Variants in ASIC2 observed in about 807,000 individuals in gnomAD.
ASIC2 encodes acid sensing ion channel subunit 2.
In ASIC2, 25 loss-of-function variants were observed where a neutral mutation model predicts 57.3. The observed-to-expected ratio is 0.44, with a 90% CI of 0.32 to 0.61. The LOEUF (loss-of-function observed/expected upper bound fraction) is 0.61. Among genes scored for constraint, ASIC2 ranks in the 20% least tolerant of loss-of-function variants. The pLI is 0.06. For synonymous variants in ASIC2, 319 were observed against 307.5 expected (o/e 1.04, Z -0.39); for missense variants, 641 against 738.1 (o/e 0.87, Z 1.52).
At position 34,123,395 on chromosome 17, in the gene ASIC2, T is replaced by G. The variant is rs961745790; in HGVS notation, c.555+32583A>C. 3.3e-5 allele frequency among the ~76,000 whole-genome samples: 5 copies of G among 152,292 alleles called. No homozygotes were observed. In the East Asian group the frequency reaches 9.7e-4, roughly 29 times the overall value. On this transcript the variant is annotated intron_variant, in intron 1 of 9. Coordinates refer to the ASIC2 transcript ENST00000359872. ...CATTTCCTGCTTCCCTATCACCTCC[T>G]GCCCTCCCTTTGTAGACTACCAGGG...
rs1033912698 is a variant in ASIC2, at chr17:33,293,237, G to C, written c.-1122C>G. 3.9e-5 allele frequency among the ~76,000 whole-genome samples: 6 copies of C among 152,058 alleles called. No individual in the cohort carries two copies. The highest frequency in any genetic ancestry group is 7.4e-5 in the Non-Finnish European group (5 of 67,984). On this transcript the variant is annotated 5_prime_UTR_variant, in exon 1 of 10. Coordinates refer to ENST00000225823, the MANE Select transcript of ASIC2 (RefSeq NM_183377.2). ...AGGCGAACTTGGGCAGCGGCCGCGC[G>C]ACGCTGGCGCGGCTGGGCTCCGAGC...
chr17:33,417,326 A>G (rs151035073), intron 1 of ASIC2, among the ~76,000 whole-genome samples: 8 of 152,318 alleles, frequency 5.3e-5, no homozygotes, highest in South Asian at 4.1e-4. Flanking sequence ...GAATGCTTCC[A>G]GTGATGGCAA....
chr17:33,111,683 C>A (rs2092258692), intron 2 of ASIC2, among the ~76,000 whole-genome samples: 1 of 152,158 alleles, frequency 6.6e-6, no homozygotes, highest in African/African-American at 2.4e-5. Flanking sequence ...CCCCTACCTA[C>A]CTTACCTCTC....
chr17:33,472,346 G>T (rs781302821), intron 1 of ASIC2, among the ~76,000 whole-genome samples: 2 of 152,128 alleles, frequency 1.3e-5, no homozygotes, highest in African/African-American at 4.8e-5. Flanking sequence ...AACAGGGATT[G>T]CTTGCTAAAC....
intron 6 of ASIC2, among the ~76,000 whole-genome samples, chr17:33,023,579 C>T (rs1053336816): frequency 6.6e-6 from 1 of 152,108 alleles, no homozygotes; most frequent in African/African-American, 2.4e-5. Context: ...TCTCTCCTTC[C>T]CTATGCATCC....
chr17:33,167,174 T>C (rs965011318), intron 1 of ASIC2, among the ~76,000 whole-genome samples: 1 of 152,114 alleles, frequency 6.6e-6, no homozygotes, highest in Non-Finnish European at 1.5e-5. Flanking sequence ...CAAGCCACCT[T>C]TGCCCTCTGC....
chr17:33,129,386 C>A (rs1053644179), intron 1 of ASIC2, among the ~76,000 whole-genome samples: 1 of 152,166 alleles, frequency 6.6e-6, no homozygotes, highest in Non-Finnish European at 1.5e-5. Flanking sequence ...AGAAAATAGC[C>A]GATTTAGAGA....
At chr17:33,428,184 T>A (rs1163111197) in intron 1 of ASIC2, among the ~76,000 whole-genome samples, 1 of 152,212 alleles carries the variant, frequency 6.6e-6, no homozygotes, top group Non-Finnish European at 1.5e-5. Context: ...CGTTTTGTTT[T>A]AAGTCATTTT....
At chr17:33,654,955 C>T (rs1907031598) in intron 1 of ASIC2, among the ~76,000 whole-genome samples, 3 of 152,120 alleles carry the variant, frequency 2.0e-5, no homozygotes, top group Admixed American at 1.3e-4. Flanking sequence ...CAGAATGAGA[C>T]CCATCTCTAT....
intron 1 of ASIC2, among the ~76,000 whole-genome samples, chr17:33,725,867 C>A (rs115900865): frequency 0.011 from 1,643 of 152,230 alleles, 24 homozygotes; most frequent in African/African-American, 0.038. Flanking sequence ...CTGCACTGAC[C>A]CCACAGAGCC....
At position 33,293,194 on chromosome 17, in the gene ASIC2, G is replaced by A. The variant is rs1905579046; in HGVS notation, c.-1079C>T. On this transcript the variant is annotated 5_prime_UTR_variant, in exon 1 of 10. Transcript: ENST00000225823. ...AAGCTCCTTCCCCGGTTGCCCGGGA[G>A]AACCCTCTTTGGGCCCCAGGCGAAC... Among the ~76,000 whole-genome samples, 1 of 152,186 alleles carries A rather than the reference G, an allele frequency of 6.6e-6. No individual in the cohort carries two copies. Among genetic ancestry groups the A allele is most frequent in the African/African-American group, 2.4e-5 (1 of 41,450 alleles).
chr17:33,577,908 G>C (rs1346539882), intron 1 of ASIC2, among the ~76,000 whole-genome samples: 3 of 152,128 alleles, frequency 2.0e-5, no homozygotes, highest in Non-Finnish European at 4.4e-5. Context: ...TGGTGCTTGA[G>C]GTGTGAGTTG....
At chr17:33,650,476 G>A (rs1204875624) in intron 1 of ASIC2, among the ~76,000 whole-genome samples, 1 of 152,090 alleles carries the variant, frequency 6.6e-6, no homozygotes, top group Non-Finnish European at 1.5e-5. Flanking sequence ...GCACCTCTGG[G>A]CATTTATCCC....
intron 1 of ASIC2, among the ~76,000 whole-genome samples, chr17:34,096,856 CAAAAAAAAAAAA>C (rs71286247): frequency 8.3e-4 from 25 of 30,114 alleles, no homozygotes; most frequent in Middle Eastern, 0.056. Flanking sequence ...GACTCCATCT[CAAAAAAAAAAAA>C]AAAAAAAAAA....
chr17:33,835,592 C>A (rs189080016), intron 1 of ASIC2, among the ~76,000 whole-genome samples: 61 of 152,244 alleles, frequency 4.0e-4, no homozygotes, highest in African/African-American at 1.4e-3. Flanking sequence ...AAGTGACTAG[C>A]GGAAGATCAC....
chr17:33,055,068 A>G (rs1205223775), intron 3 of ASIC2, among the ~76,000 whole-genome samples: 1 of 152,052 alleles, frequency 6.6e-6, no homozygotes, highest in Non-Finnish European at 1.5e-5. Flanking sequence ...GGGGTGGTTT[A>G]CCCCTTTCCC....
At chr17:33,577,285 C>CAGG (rs1916655084) in intron 1 of ASIC2, among the ~76,000 whole-genome samples, 1 of 152,116 alleles carries the variant, frequency 6.6e-6, no homozygotes, top group African/African-American at 2.4e-5. Flanking sequence ...TCTGTGGCCC[C>CAGG]AGGTCTAAGT....
chr17:33,146,213 T>A (rs1372504008), intron 1 of ASIC2, among the ~76,000 whole-genome samples: 2 of 152,194 alleles, frequency 1.3e-5, no homozygotes, highest in Admixed American at 1.3e-4. Flanking sequence ...GGGGAAAAGC[T>A]ACCACCCACA....
At chr17:33,896,338 G>T (rs1915095508) in intron 1 of ASIC2, among the ~76,000 whole-genome samples, 1 of 152,216 alleles carries the variant, frequency 6.6e-6, no homozygotes, top group African/African-American at 2.4e-5. Flanking sequence ...CTCATCGCCG[G>T]CTTTATGTTT....
Sources: allele counts gnomAD v4.1 joint callset (sites outside exome capture counted in the v4.1 genomes callset), GRCh38; gene constraint gnomAD v4.1.1; transcripts MANE v1.5; gene names NCBI Gene and HGNC (gene_info 2026-07-23, HGNC 2026-07-21).